The following NSD2 variants were observed in gnomAD, a reference collection of about 807,000 sequenced individuals.
NSD2 encodes the protein nuclear receptor binding SET domain protein 2.
Under a neutral mutation model 139.0 loss-of-function variants are expected in NSD2, and 12 were observed. The ratio of observed to expected loss-of-function variants is 0.09; its 90% CI spans 0.06 to 0.14. The LOEUF is 0.14. Among genes scored for constraint, NSD2 ranks in the 10% least tolerant of loss-of-function variants. The pLI is 1.00. For synonymous variants in NSD2, 669 were observed against 648.7 expected, an observed-to-expected ratio of 1.03 and a Z score of -0.48; for missense variants, 1,155 against 1,745.0, an observed-to-expected ratio of 0.66 and a Z score of 6.02.
chr4:1,944,511 A>T (rs1230655437), intron 9 of NSD2: 16 of 1,065,640 alleles, frequency 1.5e-5, no homozygotes, highest in Non-Finnish European at 1.7e-5. Flanking sequence ...CATCTTCCAC[A>T]CACTATGTCT....
chr4:1,886,071 C>A lies in NSD2; in HGVS notation c.-30+14529C>A, dbSNP rs79595086. On this transcript the variant is annotated intron_variant, in intron 1 of 21. Coordinates refer to ENST00000508803, the MANE Select transcript of NSD2 (RefSeq NM_001042424.3). Reference sequence around the variant, plus strand: ...ATGTTGAAGCATATTTTCTGCTTATCTTTTCCTTTACGAAACTAAAGCGCG... The same window carrying A: ...ATGTTGAAGCATATTTTCTGCTTATATTTTCCTTTACGAAACTAAAGCGCG... Among the ~76,000 whole-genome samples, 810 of 152,328 alleles carry A rather than the reference C, an allele frequency of 5.3e-3. 5 individuals are homozygous for A. Among genetic ancestry groups the A allele is most frequent in the African/African-American group, 0.018 (751 of 41,574 alleles).
At position 1,972,278 on chromosome 4, in the gene NSD2, A is replaced by G. The variant is rs574087647; in HGVS notation, c.3373-2585A>G. On this transcript the variant is annotated intron_variant, in intron 18 of 21. Coordinates refer to ENST00000508803, the MANE Select transcript of NSD2 (RefSeq NM_001042424.3). This position sits in a 1 kb window ranked among gnomAD's most constrained non-coding sequence, Gnocchi z 4.0. ...CTGACGGACACAAGAGATGATATGGATGAGTGGCGGTACAGGCTATGTCTC... is the reference window on the plus strand; with the variant it reads ...CTGACGGACACAAGAGATGATATGGGTGAGTGGCGGTACAGGCTATGTCTC... Among the ~76,000 whole-genome samples the G allele has an allele frequency of 6.6e-6, 1 of 152,238 alleles. No homozygotes were observed. Among genetic ancestry groups the G allele is most frequent in the South Asian group, 2.1e-4 (1 of 4,828 alleles).
In NSD2 at chr4:1,918,443, G is replaced by T. The variant is rs1323304367; in HGVS notation, c.1230G>T (p.Glu410Asp). ...GGGCCAAACTGTGTAGCTCTGCAGAGACCCTGGAGAGTCACCCCGACATAG... is the reference window on the plus strand; with the variant it reads ...GGGCCAAACTGTGTAGCTCTGCAGATACCCTGGAGAGTCACCCCGACATAG... ...RRRAKLCSSA[E>D]TLESHPDIGK... The change falls in exon 5 of 22, where the codon GAG becomes GAT. Residue 410 changes from glutamate (E) to aspartate (D), a missense_variant. This residue lies in a region of NSD2 where 420 missense variants were observed against 469.0 expected (regional missense o/e 0.90). Transcript: ENST00000508803. The T allele has an allele frequency of 1.2e-6, 2 of 1,614,120 alleles. No homozygotes were observed. The highest frequency in any genetic ancestry group is 1.7e-6 in the Non-Finnish European group (2 of 1,180,036).
In NSD2 at chr4:1,958,298, G is replaced by A. The variant is rs888475647; in HGVS notation, c.2985+262G>A. On this transcript the variant is annotated intron_variant, in intron 16 of 21. Coordinates refer to ENST00000508803, the MANE Select transcript of NSD2 (RefSeq NM_001042424.3). This position sits in a 1 kb window ranked among gnomAD's most constrained non-coding sequence, Gnocchi z 4.6. ...TTGGGGTGACAGTCCTGACCGGGCT[G>A]CTTGGAGCAGGAGGAGCTGAGGGAT... 1.3e-5 allele frequency among the ~76,000 whole-genome samples: 2 copies of A among 152,240 alleles called. No homozygotes were observed. Among genetic ancestry groups the A allele is most frequent in the Non-Finnish European group, 2.9e-5 (2 of 68,032 alleles).
intron 1 of NSD2, among the ~76,000 whole-genome samples, chr4:1,875,114 A>G (rs552069969): frequency 6.6e-6 from 1 of 151,978 alleles, no homozygotes; most frequent in South Asian, 2.1e-4. Context: ...GGCAGATGCC[A>G]CCATGCTTGG....
In NSD2 at chr4:1,980,995, ATCCCT is replaced by A; in HGVS notation, c.*2090_*2094del. ...GGCCCCGCTGTCACTTGCCCAAAAG[ATCCCT>A]TCCGGCAGGTAAGGGACTACCAATG... On this transcript the variant is annotated 3_prime_UTR_variant, in exon 22 of 22. Coordinates refer to ENST00000508803, the MANE Select transcript of NSD2 (RefSeq NM_001042424.3). 2 of 233,276 alleles carry A rather than the reference ATCCCT, an allele frequency of 8.6e-6. No homozygotes were observed. Among genetic ancestry groups the A allele is most frequent in the Non-Finnish European group, 1.7e-5 (2 of 118,040 alleles). 14.5% of individuals were successfully genotyped at this position (233,276 alleles called of 1,614,324 possible). A position where few individuals can be genotyped will look rare whatever the true frequency, so the allele number is the denominator to read the frequency against.
intron 5 of NSD2, among the ~76,000 whole-genome samples, chr4:1,924,611 A>G (rs1260698009): frequency 6.6e-6 from 1 of 152,120 alleles, no homozygotes. Flanking sequence ...GAAGGTATAC[A>G]GTTAAAACTG....
chr4:1,938,231 A>G (rs1722633707), intron 7 of NSD2, among the ~76,000 whole-genome samples: 1 of 152,154 alleles, frequency 6.6e-6, no homozygotes, highest in Non-Finnish European at 1.5e-5. Flanking sequence ...ATTGTGAAAA[A>G]AGTCTGAGAT....
At chr4:1,902,653 G>A (rs1344095508) in intron 2 of NSD2, among the ~76,000 whole-genome samples, 1 of 152,092 alleles carries the variant, frequency 6.6e-6, no homozygotes, top group Non-Finnish European at 1.5e-5. Context: ...TGCACAGGCT[G>A]TTCACGAACT....
rs779089119 is a variant in NSD2, at chr4:1,944,440, T to G, written c.1881+4662T>G. On this transcript the variant is annotated intron_variant, in intron 9 of 21. Transcript: ENST00000508803. ...TTAAGACATTTGAATTGCCGGTTGT[T>G]GAGGTGAATTTTGTTTGTCATACAT... is the stretch of plus-strand genomic sequence containing the variant. The G allele has an allele frequency of 1.1e-4, 116 of 1,065,110 alleles. No homozygotes were observed. In the Middle Eastern group the frequency reaches 1.6e-3, roughly 15 times the overall value. The allele number at this position is 1,065,110 out of a possible 1,614,324, so 66.0% of individuals were successfully genotyped here.
At chr4:1,871,597 C>CGGGAGGCCGGGCTGT (rs1577338508) in intron 1 of NSD2, 55 bp downstream of exon 1, 1 of 150,446 alleles carries the variant, frequency 6.6e-6, no homozygotes, top group African/African-American at 2.4e-5. Context: ...GGGCTGGGGC[C>CGGGAGGCCGGGCTGT]GGGAGGCCGG....
In NSD2 at chr4:1,948,098, A is replaced by G. The variant is rs1448394736; in HGVS notation, c.1882-2974A>G. On this transcript the variant is annotated intron_variant, in intron 9 of 21. Coordinates refer to ENST00000508803, the MANE Select transcript of NSD2 (RefSeq NM_001042424.3). The surrounding 1 kb of genome is among the most constrained non-coding windows in gnomAD (Gnocchi z 4.5). Reference sequence around the variant, plus strand: ...GAATGTATTTCTAAGGCAAATAGGCAACTTGGTACTATCTTATTCTGAGTA... The same window carrying G: ...GAATGTATTTCTAAGGCAAATAGGCGACTTGGTACTATCTTATTCTGAGTA... The G allele has an allele frequency of 9.4e-7, 1 of 1,059,604 alleles. No homozygotes were observed. The highest frequency in any genetic ancestry group is 1.1e-6 in the Non-Finnish European group (1 of 875,416). The allele number at this position is 1,059,604 out of a possible 1,614,324, so 65.6% of individuals were successfully genotyped here. A position where few individuals can be genotyped will look rare whatever the true frequency, so the allele number is the denominator to read the frequency against.
In NSD2 at chr4:1,979,646, C is replaced by T. The variant is rs544021371; in HGVS notation, c.*737C>T. 2 of 232,558 alleles carry T rather than the reference C, an allele frequency of 8.6e-6. No individual in the cohort carries two copies. The highest frequency in any genetic ancestry group is 1.7e-5 in the Non-Finnish European group (2 of 117,648). The allele number at this position is 232,558 out of a possible 1,614,324, so 14.4% of individuals were successfully genotyped here. ...ACTTTCGAGGCCTGGCCGGGTTGGG[C>T]CTACTTCTCACCTGGGCCTATCTTC... is the stretch of plus-strand genomic sequence containing the variant. On this transcript the variant is annotated 3_prime_UTR_variant, in exon 22 of 22. Coordinates refer to ENST00000508803, the MANE Select transcript of NSD2 (RefSeq NM_001042424.3).
Position 1,978,990 on chromosome 4 carries a change from G to A in NSD2, c.*81G>A. On this transcript the variant is annotated 3_prime_UTR_variant, in exon 22 of 22. Transcript: ENST00000508803. The stretch of plus-strand genomic sequence containing the variant: ...TGCGGGAGAGGGCGAGCATGAACTG[G>A]CCCGGAGGACCCAGCTCGAGCCGCC... The A allele has an allele frequency of 7.0e-7, 1 of 1,426,908 alleles. No individual in the cohort carries two copies. Among genetic ancestry groups the A allele is most frequent in the South Asian group, 1.6e-5 (1 of 64,012 alleles). 88.4% of individuals were successfully genotyped at this position (1,426,908 alleles called of 1,614,324 possible).
intron 9 of NSD2, chr4:1,945,829 C>T (rs1723572751): frequency 1.9e-6 from 2 of 1,063,528 alleles, no homozygotes; most frequent in African/African-American, 1.6e-5. Flanking sequence ...GGAGAGGCTC[C>T]TGTCTGATAG....
In NSD2 at chr4:1,972,651, T is replaced by C. The variant is rs1331419456; in HGVS notation, c.3373-2212T>C. Among the ~76,000 whole-genome samples the C allele has an allele frequency of 1.3e-5, 2 of 152,186 alleles. No individual in the cohort carries two copies. Among genetic ancestry groups the C allele is most frequent in the Non-Finnish European group, 2.9e-5 (2 of 68,024 alleles). On this transcript the variant is annotated intron_variant, in intron 18 of 21. Transcript: ENST00000508803. The surrounding 1 kb of genome is among the most constrained non-coding windows in gnomAD (Gnocchi z 4.0). ...ACCACTTATAAAGGCCAATTCCAGA[T>C]GGATTGAACAGCTAGGAGTGGGGGA...
chr4:1,955,428 T>C lies in NSD2; in HGVS notation c.2518+88T>C. 2 of 1,453,484 alleles carry C rather than the reference T, an allele frequency of 1.4e-6. No individual in the cohort carries two copies. Among genetic ancestry groups the C allele is most frequent in the Non-Finnish European group, 9.2e-7 (1 of 1,090,740 alleles). 90.0% of individuals were successfully genotyped at this position (1,453,484 alleles called of 1,614,324 possible). ...GCAGGCTCATTCCTTGTCTGCGCTG[T>C]GTTCATTGATGTTGACAGTGTTCTG... On this transcript the variant is annotated intron_variant, in intron 13 of 21. Coordinates refer to ENST00000508803, the MANE Select transcript of NSD2 (RefSeq NM_001042424.3). The surrounding 1 kb of genome is among the most constrained non-coding windows in gnomAD (Gnocchi z 4.7).
Position 1,939,695 on chromosome 4 carries a change from C to G in NSD2, c.1798C>G (p.Arg600Gly). 6.2e-7 allele frequency: 1 copy of G among 1,614,176 alleles called. No homozygotes were observed. Among genetic ancestry groups the G allele is most frequent in the Non-Finnish European group, 8.5e-7 (1 of 1,180,028 alleles). The change falls in exon 9 of 22, where the codon CGA (arginine) becomes GGA (glycine). Residue 600 changes from arginine to glycine, a missense_variant. Physicochemically the swap from Arg to Gly is moderately radical, Grantham distance 125 (BLOSUM62 -2). This residue lies in a region of NSD2 where 420 missense variants were observed against 469.0 expected (regional missense o/e 0.90). Coordinates refer to ENST00000508803, the MANE Select transcript of NSD2 (RefSeq NM_001042424.3). ...TGATGCATGTAAACCACTGAAGAAG[C>G]GAAATCGGGCTTCCACGGCAGCATC... ...LSDACKPLKKRNRASTAASSA... is the reference protein window; with the variant it reads ...LSDACKPLKKGNRASTAASSA...
intron 9 of NSD2, chr4:1,943,042 AG>A: frequency 1.9e-6 from 2 of 1,050,800 alleles, no homozygotes; most frequent in Non-Finnish European, 2.3e-6. Flanking sequence ...CCCCGGACCA[AG>A]GGGATACTGT....
Sources: allele counts gnomAD v4.1 joint callset (sites outside exome capture counted in the v4.1 genomes callset), GRCh38; gene constraint gnomAD v4.1.1; regional missense constraint gnomAD v4.1.1; non-coding constraint Gnocchi (gnomAD v3.1); transcripts MANE v1.5; gene names NCBI Gene and HGNC (gene_info 2026-07-23, HGNC 2026-07-21).